Variants in PCDHA7 observed in about 807,000 individuals in gnomAD.
The protein encoded by PCDHA7 is protocadherin alpha-7.
In PCDHA7, 37 loss-of-function variants were observed where a neutral mutation model predicts 57.2. That is an observed-to-expected ratio of 0.65 (90% CI 0.50 to 0.85). PCDHA7 has a LOEUF of 0.85. Among genes scored for constraint, PCDHA7 ranks in the 40% least tolerant of loss-of-function variants. The pLI is 0.00. For synonymous variants in PCDHA7, 553 were observed against 558.8 expected, an observed-to-expected ratio of 0.99 and a Z score of 0.15; for missense variants, 1,188 against 1,241.8, an observed-to-expected ratio of 0.96 and a Z score of 0.65.
intron 1 of PCDHA7, chr5:140,930,385 C>T (rs1335168502): frequency 6.6e-6 from 1 of 151,798 alleles, no homozygotes; most frequent in Non-Finnish European, 1.5e-5. Flanking sequence ...CTTGGCATTT[C>T]AAAACTTCTT....
chr5:140,877,260 G>A (rs1329010026), intron 1 of PCDHA7: 3 of 1,613,766 alleles, frequency 1.9e-6, no homozygotes, highest in African/African-American at 2.7e-5. Context: ...AAGTGCGCGC[G>A]GTGGACGCTG....
intron 3 of PCDHA7, among the ~76,000 whole-genome samples, chr5:140,996,163 A>G (rs183777507): frequency 4.8e-4 from 73 of 152,326 alleles, no homozygotes; most frequent in African/African-American, 1.5e-3. Flanking sequence ...TTATACTGCA[A>G]TGTGCTGACA....
intron 3 of PCDHA7, among the ~76,000 whole-genome samples, chr5:140,999,252 T>C (rs1474093411): frequency 1.3e-5 from 2 of 152,204 alleles, no homozygotes; most frequent in African/African-American, 4.8e-5. Flanking sequence ...GGGAGTTGGA[T>C]TAGTAAAGGA....
At chr5:140,982,213 A>G in intron 2 of PCDHA7, 2 of 482,032 alleles carry the variant, frequency 4.1e-6, no homozygotes, top group South Asian at 8.1e-5. Context: ...TGAGCGCCAC[A>G]TGGCGTTAAT....
intron 1 of PCDHA7, chr5:140,862,474 T>C (rs1342820666): frequency 2.6e-6 from 1 of 377,454 alleles, no homozygotes. Flanking sequence ...AGCAAATCTA[T>C]CCATTGTTGG....
At chr5:140,940,199 A>G (rs1253658459) in intron 1 of PCDHA7, among the ~76,000 whole-genome samples, 2 of 152,136 alleles carry the variant, frequency 1.3e-5, no homozygotes, top group Non-Finnish European at 2.9e-5. Flanking sequence ...CATGGGTGTA[A>G]AATTCAAGAT....
intron 1 of PCDHA7, among the ~76,000 whole-genome samples, chr5:140,873,038 G>A (rs1304592086): frequency 1.3e-5 from 2 of 152,120 alleles, no homozygotes; most frequent in Admixed American, 6.5e-5. Context: ...CACGTAGAGT[G>A]GTGGTATTAC....
intron 1 of PCDHA7, among the ~76,000 whole-genome samples, chr5:140,970,004 G>A (rs1322154107): frequency 6.6e-6 from 1 of 152,200 alleles, no homozygotes; most frequent in Non-Finnish European, 1.5e-5. Context: ...CAGAGGGAGT[G>A]GATGATGGTG....
At chr5:140,863,489 C>A in intron 1 of PCDHA7, 1 of 450,994 alleles carries the variant, frequency 2.2e-6, no homozygotes, top group Non-Finnish European at 4.4e-6. Flanking sequence ...CCAAGGTCAA[C>A]ATTACGGCTT....
In PCDHA7 at chr5:140,849,582, G is replaced by T. The variant is rs2150441329; in HGVS notation, c.2355+12844G>T. 1.0e-5 allele frequency: 16 copies of T among 1,598,576 alleles called. 1 individual carries two copies. Among genetic ancestry groups the T allele is most frequent in the African/African-American group, 1.3e-5 (1 of 74,328 alleles). On this transcript the variant is annotated intron_variant, in intron 1 of 3. Transcript: ENST00000525929. ...GCTCTCGGTTCCTGTAAAAGAGGAC[G>T]CACAACTGGGGACAGTTATTGCCCT...
chr5:140,900,226 G>A (rs1048533279), intron 1 of PCDHA7, among the ~76,000 whole-genome samples: 18 of 152,090 alleles, frequency 1.2e-4, no homozygotes, highest in Admixed American at 1.1e-3. Flanking sequence ...GCAAATGACT[G>A]GATCTTGTTT....
At chr5:140,848,345 G>A (rs1781463859) in intron 1 of PCDHA7, 3 of 918,556 alleles carry the variant, frequency 3.3e-6, no homozygotes, top group South Asian at 3.3e-5. Context: ...GACAAATACA[G>A]CCCTTTTCCC....
chr5:140,871,533 G>T, intron 1 of PCDHA7: 1 of 1,516,446 alleles, frequency 6.6e-7, no homozygotes, highest in Non-Finnish European at 8.8e-7. Flanking sequence ...GGAAGTGTAT[G>T]TGAAATTATT....
At chr5:140,926,754 C>G in intron 1 of PCDHA7, 1 of 1,283,492 alleles carries the variant, frequency 7.8e-7, no homozygotes, top group South Asian at 2.2e-5. Flanking sequence ...TCGGCGGTCG[C>G]TGAGTATCCA....
chr5:140,982,420 G>A, intron 2 of PCDHA7, 55 bp from the exon 3 acceptor site: 1 of 1,611,062 alleles, frequency 6.2e-7, no homozygotes, highest in Non-Finnish European at 8.5e-7. Context: ...GGTGGAAGAA[G>A]AGATGGGAAA....
At position 140,855,161 on chromosome 5, in the gene PCDHA7, C is replaced by T. The variant is rs1469242390; in HGVS notation, c.2355+18423C>T. On this transcript the variant is annotated intron_variant, in intron 1 of 3. Coordinates refer to ENST00000525929, the MANE Select transcript of PCDHA7 (RefSeq NM_018910.3). ...TGATGAGCCAAATTTGGTATTGAGC[C>T]TCATGAAAACAAATGTGGCCAAATT... Among the ~76,000 whole-genome samples, 4 of 149,656 alleles carry T rather than the reference C, an allele frequency of 2.7e-5. 1 individual carries two copies. Among genetic ancestry groups the T allele is most frequent in the African/African-American group, 9.8e-5 (4 of 40,822 alleles).
At chr5:140,997,673 TG>T (rs1554255971) in intron 3 of PCDHA7, among the ~76,000 whole-genome samples, 41 of 149,136 alleles carry the variant, frequency 2.7e-4, no homozygotes, top group African/African-American at 9.9e-4. Context: ...ACAGCTTGTG[TG>T]TGTGTGTGTG....
chr5:140,876,312 G>C (rs557901977), intron 1 of PCDHA7: 1 of 1,614,036 alleles, frequency 6.2e-7, no homozygotes. Context: ...TTTCCTATGG[G>C]ATCAAAATGA....
At chr5:141,002,503 A>G (rs924059580) in intron 3 of PCDHA7, among the ~76,000 whole-genome samples, 1 of 152,226 alleles carries the variant, frequency 6.6e-6, no homozygotes, top group African/African-American at 2.4e-5. Flanking sequence ...ACAGCTCAGG[A>G]TCTGAGTCTC....
Sources: gnomAD v4.1 joint callset for allele counts (sites outside exome capture counted in the v4.1 genomes callset) on GRCh38, gnomAD v4.1.1 for gene constraint, MANE v1.5 for transcripts, NCBI Gene and HGNC (gene_info 2026-07-23, HGNC 2026-07-21) for gene names.